ARHGAP18: variants seen among roughly 807,000 people sequenced by gnomAD.
ARHGAP18 encodes Rho GTPase activating protein 18, also known as rho GTPase-activating protein 18.
ARHGAP18 carries 67 observed loss-of-function variants against 86.2 expected under a neutral mutation model. The ratio of observed to expected loss-of-function variants is 0.78; its 90% CI spans 0.64 to 0.95. The LOEUF is 0.95. Among genes scored for constraint, ARHGAP18 ranks in the 40% least tolerant of loss-of-function variants. ARHGAP18 has a pLI of 0.00. For missense variants in ARHGAP18, 691 were observed against 780.4 expected, an observed-to-expected ratio of 0.89 and a Z score of 1.37; for synonymous variants, 283 against 280.4, an observed-to-expected ratio of 1.01 and a Z score of -0.09.
At position 129,587,841 on chromosome 6, in the gene ARHGAP18, C is replaced by T. The variant is rs993556039; in HGVS notation, c.1714-3729G>A. 3.9e-5 allele frequency among the ~76,000 whole-genome samples: 6 copies of T among 152,274 alleles called. No homozygotes were observed. The East Asian group carries it at 9.6e-4, about 24-fold the overall frequency. ...CCCCAGCCTTCCAAAATCTCATGTC[C>T]TCACATTTCAAAACATAATCATGCC... On this transcript the variant is annotated intron_variant, in intron 12 of 14. Transcript: ENST00000368149.
chr6:129,633,976 G>T, intron 4 of ARHGAP18, 66 bp downstream of exon 4: 3 of 1,347,330 alleles, frequency 2.2e-6, no homozygotes, highest in Non-Finnish European at 3.1e-6. Flanking sequence ...TGTTTTATAA[G>T]ACTGTAACTG....
chr6:129,625,871 A>ATAT (rs1789439290), intron 5 of ARHGAP18, among the ~76,000 whole-genome samples: 1 of 86,842 alleles, frequency 1.2e-5, no homozygotes, highest in Non-Finnish European at 2.1e-5. Flanking sequence ...TATATTATAT[A>ATAT]TTATATATTT....
intron 1 of ARHGAP18, among the ~76,000 whole-genome samples, chr6:129,673,868 A>C (rs1562720072): frequency 6.6e-6 from 1 of 152,140 alleles, no homozygotes; most frequent in Non-Finnish European, 1.5e-5. Flanking sequence ...TATTATCTCA[A>C]ATCTTCTAAA....
At chr6:129,693,884 T>C (rs2114549175) in intron 1 of ARHGAP18, among the ~76,000 whole-genome samples, 1 of 150,240 alleles carries the variant, frequency 6.7e-6, no homozygotes, top group South Asian at 2.1e-4. Context: ...TCTGTGATGA[T>C]ACAATTTGCC....
rs1417946893 is a variant in ARHGAP18 at position 129,625,064 on chromosome 6, TTTATATATAA to T, written c.786+4279_786+4288del. Among the ~76,000 whole-genome samples the T allele has an allele frequency of 3.0e-4, 31 of 104,702 alleles. 2 individuals carry two copies. Among genetic ancestry groups the T allele is most frequent in the South Asian group, 2.1e-3 (8 of 3,760 alleles). The allele number at this position is 104,702 out of a possible 152,430, so 68.7% of individuals were successfully genotyped here. ...ATATAATATATATGATTGATATATATTTATATATAATATATATGATATATGATATATGATA... is the reference window on the plus strand; with the variant it reads ...ATATAATATATATGATTGATATATATTATATATGATATATGATATATGATA... On this transcript the variant is annotated intron_variant, in intron 5 of 14. Coordinates refer to ENST00000368149, the MANE Select transcript of ARHGAP18 (RefSeq NM_033515.3).
chr6:129,615,668 G>A lies in ARHGAP18; in HGVS notation c.1044+544C>T, dbSNP rs117858002. ...AATGTAATCTGTATTTCTGAACAATGATGGCTCAGAGGTTGGACGGAAATT... is the reference window on the plus strand; with the variant it reads ...AATGTAATCTGTATTTCTGAACAATAATGGCTCAGAGGTTGGACGGAAATT... On this transcript the variant is annotated intron_variant, in intron 7 of 14. Coordinates refer to ENST00000368149, the MANE Select transcript of ARHGAP18 (RefSeq NM_033515.3). Among the ~76,000 whole-genome samples the A allele has an allele frequency of 4.3e-3, 658 of 152,296 alleles. 6 individuals carry two copies. The highest frequency in any genetic ancestry group is 0.042 in the East Asian group (220 of 5,184).
intron 5 of ARHGAP18, among the ~76,000 whole-genome samples, chr6:129,624,884 G>T (rs1789308660): frequency 6.8e-6 from 1 of 147,846 alleles, no homozygotes; most frequent in South Asian, 2.1e-4. Context: ...GGCGGAGGTT[G>T]CAGTGAGCTG....
intron 3 of ARHGAP18, among the ~76,000 whole-genome samples, chr6:129,634,731 T>G (rs1373977597): frequency 1.3e-5 from 2 of 152,126 alleles, no homozygotes; most frequent in African/African-American, 4.8e-5. Context: ...GTGCTAAAAC[T>G]GATTGTAGTG....
At chr6:129,585,197 T>A (rs192512535) in intron 12 of ARHGAP18, among the ~76,000 whole-genome samples, 1 of 151,506 alleles carries the variant, frequency 6.6e-6, no homozygotes, top group African/African-American at 2.4e-5. Context: ...GAGGCTGAGG[T>A]AGGAGAATTG....
intron 1 of ARHGAP18, among the ~76,000 whole-genome samples, chr6:129,667,469 A>ATGTGTGTGTGTGTGTGTGTGTG (rs376500003): frequency 9.6e-6 from 1 of 104,176 alleles, no homozygotes; most frequent in Non-Finnish European, 2.1e-5. Context: ...AAAAATATAT[A>ATGTGTGTGTGTGTGTGTGTGTG]TGTGTGTGTG....
chr6:129,662,332 G>A (rs1476464558), intron 1 of ARHGAP18, among the ~76,000 whole-genome samples: 2 of 152,240 alleles, frequency 1.3e-5, no homozygotes, highest in African/African-American at 4.8e-5. Flanking sequence ...AGGGCATGGT[G>A]CCTGCTTCTC....
chr6:129,583,024 C>T (rs1788320238), intron 13 of ARHGAP18, among the ~76,000 whole-genome samples: 1 of 152,140 alleles, frequency 6.6e-6, no homozygotes, highest in Admixed American at 6.5e-5. Context: ...TTTATACCTC[C>T]CCTTCCAATT....
At chr6:129,578,727 G>C in intron 14 of ARHGAP18, 123 bp from the exon 15 acceptor site, 1 of 682,658 alleles carries the variant, frequency 1.5e-6, no homozygotes, top group Non-Finnish European at 2.3e-6. Flanking sequence ...ACTTTGGGAG[G>C]CCGAGGTGGG....
chr6:129,667,857 A>G (rs1425081901), intron 1 of ARHGAP18, among the ~76,000 whole-genome samples: 1 of 152,176 alleles, frequency 6.6e-6, no homozygotes, highest in African/African-American at 2.4e-5. Flanking sequence ...TTGAAAATCA[A>G]GAAGGGAGAG....
At chr6:129,617,947 G>C (rs1178608230) in intron 6 of ARHGAP18, among the ~76,000 whole-genome samples, 1 of 152,152 alleles carries the variant, frequency 6.6e-6, no homozygotes, top group Non-Finnish European at 1.5e-5. Context: ...GGTTAAACAA[G>C]AGGACAAAGA....
intron 1 of ARHGAP18, among the ~76,000 whole-genome samples, chr6:129,665,547 C>T (rs1774021000): frequency 6.6e-6 from 1 of 152,024 alleles, no homozygotes; most frequent in Non-Finnish European, 1.5e-5. Context: ...CAGATCCTGT[C>T]TCCAAAAAAA....
At chr6:129,670,096 C>A (rs1181240009) in intron 1 of ARHGAP18, among the ~76,000 whole-genome samples, 2 of 152,202 alleles carry the variant, frequency 1.3e-5, no homozygotes, top group Non-Finnish European at 2.9e-5. Flanking sequence ...CATAAAGCTA[C>A]TTTGCTGGAC....
intron 9 of ARHGAP18, among the ~76,000 whole-genome samples, chr6:129,607,622 G>A (rs1788881285): frequency 6.6e-6 from 1 of 152,064 alleles, no homozygotes; most frequent in Non-Finnish European, 1.5e-5. Flanking sequence ...AAGTTTCCAG[G>A]TTTTAACACT....
intron 1 of ARHGAP18, among the ~76,000 whole-genome samples, chr6:129,694,883 C>T (rs1017815359): frequency 2.0e-5 from 3 of 152,146 alleles, no homozygotes; most frequent in Admixed American, 6.6e-5. Flanking sequence ...AATATTCTTA[C>T]TATGGAAATA....
Sources: gnomAD v4.1 joint callset for allele counts (sites outside exome capture counted in the v4.1 genomes callset) on GRCh38, gnomAD v4.1.1 for gene constraint, MANE v1.5 for transcripts, NCBI Gene and HGNC (gene_info 2026-07-23, HGNC 2026-07-21) for gene names.